Variants in NUP153 observed in about 807,000 individuals in gnomAD.
NUP153 encodes nuclear pore complex protein Nup153.
A neutral mutation model predicts 134.6 loss-of-function variants in NUP153; 27 were observed. The ratio of observed to expected loss-of-function variants is 0.20; its 90% confidence interval spans 0.15 to 0.28. NUP153 has a LOEUF of 0.28. Among genes scored for constraint, NUP153 ranks in the 10% least tolerant of loss-of-function variants. NUP153 has a pLI of 1.00. For missense variants in NUP153, 1,821 were observed against 1,731.3 expected, an observed-to-expected ratio of 1.05 and a Z score of -0.92; for synonymous variants, 640 against 623.5, an observed-to-expected ratio of 1.03 and a Z score of -0.40.
Position 17,702,235 on chromosome 6 carries a change from A to C in NUP153, c.111+4042T>G, listed in dbSNP as rs181805225. Among the ~76,000 whole-genome samples the C allele has an allele frequency of 5.9e-3, 891 of 152,146 alleles. 6 individuals are homozygous for C. Among genetic ancestry groups the C allele is most frequent in the South Asian group, 0.044 (213 of 4,822 alleles). Reference sequence around the variant, plus strand: ...AAATGACACCATTTCTGGCCGGGCGAGGTAGCTCATGCCTGTAATACCAGC... The same window carrying C: ...AAATGACACCATTTCTGGCCGGGCGCGGTAGCTCATGCCTGTAATACCAGC... On this transcript the variant is annotated intron_variant, in intron 1 of 21. Coordinates refer to ENST00000262077, the MANE Select transcript of NUP153 (RefSeq NM_005124.4).
chr6:17,705,314 A>C (rs1444807621), intron 1 of NUP153, among the ~76,000 whole-genome samples: 4 of 152,284 alleles, frequency 2.6e-5, no homozygotes, highest in Admixed American at 6.5e-5. Flanking sequence ...TACTTCTAAC[A>C]ATCAATATTT....
chr6:17,678,124 G>A (rs1246161359), intron 2 of NUP153, among the ~76,000 whole-genome samples: 5 of 152,064 alleles, frequency 3.3e-5, no homozygotes, highest in South Asian at 2.1e-4. Context: ...GGGAGGCCAA[G>A]GCGGGCAGAT....
chr6:17,659,661 CG>C (rs1767062917), intron 11 of NUP153, among the ~76,000 whole-genome samples: 1 of 152,020 alleles, frequency 6.6e-6, no homozygotes, highest in South Asian at 2.1e-4. Context: ...TTAGTAAAGA[CG>C]GGGTTTCATC....
chr6:17,688,127 A>G (rs1305329970), intron 2 of NUP153, among the ~76,000 whole-genome samples: 1 of 152,198 alleles, frequency 6.6e-6, no homozygotes, highest in African/African-American at 2.4e-5. Context: ...CAAAAAACAA[A>G]AAAAAGAAAG....
chr6:17,690,840 C>A (rs1769227925), intron 1 of NUP153, among the ~76,000 whole-genome samples: 1 of 152,094 alleles, frequency 6.6e-6, no homozygotes, highest in Admixed American at 6.6e-5. Context: ...TAGTAATTTC[C>A]TTACTATGTG....
At chr6:17,703,604 A>C (rs1770263769) in intron 1 of NUP153, among the ~76,000 whole-genome samples, 1 of 151,808 alleles carries the variant, frequency 6.6e-6, no homozygotes, top group Non-Finnish European at 1.5e-5. Context: ...GGTAGACCCT[A>C]TGTCCACCAA....
rs1768198339 is a variant in NUP153 at position 17,675,917 on chromosome 6, T to C, written c.335-147A>G. 6.8e-6 allele frequency: 5 copies of C among 735,058 alleles called. No individual in the cohort carries two copies. Among genetic ancestry groups the C allele is most frequent in the South Asian group, 5.5e-5 (3 of 54,592 alleles). 45.5% of individuals were successfully genotyped at this position (735,058 alleles called of 1,614,324 possible). A position where few individuals can be genotyped will look rare whatever the true frequency, so the allele number is the denominator to read the frequency against. On this transcript the variant is annotated intron_variant, in intron 2 of 21. Transcript: ENST00000262077. The surrounding 1 kb of genome is among the most constrained non-coding windows in gnomAD (Gnocchi z 4.4). ...ATCCCATAATAAGCCCAATATAACATACTCCTAGGCAAAACAAAGTTTCAA... is the reference window on the plus strand; with the variant it reads ...ATCCCATAATAAGCCCAATATAACACACTCCTAGGCAAAACAAAGTTTCAA...
chr6:17,683,351 AAAT>A (rs749251260), intron 2 of NUP153, among the ~76,000 whole-genome samples: 6 of 152,224 alleles, frequency 3.9e-5, no homozygotes, highest in Non-Finnish European at 7.3e-5. Flanking sequence ...GGTATTTCTT[AAAT>A]AATGAGACTG....
intron 1 of NUP153, among the ~76,000 whole-genome samples, chr6:17,688,926 CAT>C (rs1408703260): frequency 1.1e-4 from 16 of 152,116 alleles, no homozygotes; most frequent in African/African-American, 3.1e-4. Context: ...ATATGTAATA[CAT>C]GTTTTAATCT....
chr6:17,626,702 T>C (rs763323626), intron 18 of NUP153, among the ~76,000 whole-genome samples: 9 of 152,248 alleles, frequency 5.9e-5, no homozygotes, highest in African/African-American at 9.6e-5. Context: ...TTAATTATTA[T>C]AACTTTATAC....
At chr6:17,678,865 G>C (rs1208054943) in intron 2 of NUP153, among the ~76,000 whole-genome samples, 1 of 151,470 alleles carries the variant, frequency 6.6e-6, no homozygotes, top group East Asian at 1.9e-4. Context: ...AGGATCACTT[G>C]AGCCCAGGAG....
chr6:17,677,155 C>G (rs113876976), intron 2 of NUP153, among the ~76,000 whole-genome samples: 2,106 of 152,262 alleles, frequency 0.014, 58 homozygotes, highest in African/African-American at 0.048. Context: ...GGAGACAGAG[C>G]TTGGAGGCTA....
At chr6:17,626,847 C>T (rs1764975773) in intron 18 of NUP153, among the ~76,000 whole-genome samples, 1 of 152,124 alleles carries the variant, frequency 6.6e-6, no homozygotes, top group South Asian at 2.1e-4. Context: ...CCCCTAAGAA[C>T]TAAAATTATG....
intron 17 of NUP153, 122 bp from the exon 18 acceptor site, chr6:17,629,661 T>A (rs112989746): frequency 7.8e-6 from 6 of 766,678 alleles, no homozygotes; most frequent in Admixed American, 3.5e-5. Flanking sequence ...CTTTGAAGAG[T>A]ATTACCAGCA....
intron 2 of NUP153, among the ~76,000 whole-genome samples, chr6:17,685,302 C>T (rs1768851848): frequency 1.3e-5 from 2 of 152,138 alleles, no homozygotes; most frequent in Admixed American, 6.5e-5. Flanking sequence ...AATCCCAACA[C>T]TTTGGGAGGC....
chr6:17,673,458 A>G (rs1270855234), intron 5 of NUP153, among the ~76,000 whole-genome samples: 3 of 152,230 alleles, frequency 2.0e-5, no homozygotes, highest in African/African-American at 4.8e-5. Context: ...TTGTACCCTG[A>G]AAAATGAACT....
intron 2 of NUP153, among the ~76,000 whole-genome samples, chr6:17,688,081 G>T (rs1381266133): frequency 6.6e-6 from 1 of 151,962 alleles, no homozygotes; most frequent in Non-Finnish European, 1.5e-5. Context: ...ATCACACCCT[G>T]CACTCCAGCC....
intron 5 of NUP153, among the ~76,000 whole-genome samples, chr6:17,669,984 A>C (rs886856376): frequency 6.6e-6 from 1 of 150,524 alleles, no homozygotes; most frequent in Non-Finnish European, 1.5e-5. Context: ...AGTCCCAGCT[A>C]CTCGAGAGGC....
rs960751459 is a variant in NUP153 at position 17,706,547 on chromosome 6, C to A, written c.-160G>T. The A allele has an allele frequency of 3.3e-6, 2 of 597,028 alleles. No individual in the cohort carries two copies. Among genetic ancestry groups the A allele is most frequent in the Non-Finnish European group, 5.9e-6 (2 of 340,660 alleles). 37.0% of individuals were successfully genotyped at this position (597,028 alleles called of 1,614,324 possible). On this transcript the variant is annotated 5_prime_UTR_variant, in exon 1 of 22. Transcript: ENST00000262077. The surrounding 1 kb of genome is among the most constrained non-coding windows in gnomAD (Gnocchi z 5.9). Reference sequence around the variant, plus strand: ...AAGCACCCCAGGAACCGCGAGGTTGCGAGCAGGAGCGGAGAGAGGGTGAGT... The same window carrying A: ...AAGCACCCCAGGAACCGCGAGGTTGAGAGCAGGAGCGGAGAGAGGGTGAGT...
Sources: gnomAD v4.1 joint callset for allele counts (sites outside exome capture counted in the v4.1 genomes callset) on GRCh38, gnomAD v4.1.1 for gene constraint, Gnocchi (gnomAD v3.1) non-coding constraint, MANE v1.5 for transcripts, NCBI Gene and HGNC (gene_info 2026-07-23, HGNC 2026-07-21) for gene names.